KCNIP4: variants seen among roughly 807,000 people sequenced by gnomAD.
KCNIP4 encodes the protein Kv channel-interacting protein 4.
KCNIP4 carries 12 observed loss-of-function variants against 34.0 expected under a neutral mutation model. The observed-to-expected ratio is 0.35, with a 90% CI of 0.23 to 0.57. The LOEUF is 0.57. Ranked by LOEUF, KCNIP4 falls within the 20% of genes least tolerant of loss-of-function variation. KCNIP4 has a pLI of 0.83. For synonymous variants in KCNIP4, 124 were observed against 102.2 expected (o/e 1.21, Z -1.29); for missense variants, 238 against 311.7 (o/e 0.76, Z 1.78).
At chr4:20,841,928 C>T (rs568331071) in intron 3 of KCNIP4, among the ~76,000 whole-genome samples, 5 of 152,156 alleles carry the variant, frequency 3.3e-5, no homozygotes, top group African/African-American at 4.8e-5. Context: ...TTCCCATGGC[C>T]GTGCCCTTCT....
At chr4:21,317,869 C>T (rs1390837030) in intron 1 of KCNIP4, among the ~76,000 whole-genome samples, 1 of 152,216 alleles carries the variant, frequency 6.6e-6, no homozygotes, top group Non-Finnish European at 1.5e-5. Context: ...TAACTCTTGT[C>T]TGCTGCCATG....
chr4:21,921,626 G>A (rs1728944191), intron 1 of KCNIP4, among the ~76,000 whole-genome samples: 1 of 152,052 alleles, frequency 6.6e-6, no homozygotes, highest in African/African-American at 2.4e-5. Flanking sequence ...AGTAGCTCAA[G>A]CCAAATGCCT....
Position 21,439,161 on chromosome 4 carries a change from CA to C in KCNIP4, c.61+509409del, listed in dbSNP as rs76317670. Among the ~76,000 whole-genome samples, 832 of 93,228 alleles carry C rather than the reference CA, an allele frequency of 8.9e-3. 3 individuals are homozygous for C. The highest frequency in any genetic ancestry group is 0.029 in the African/African-American group (688 of 23,382). 61.2% of individuals were successfully genotyped at this position (93,228 alleles called of 152,430 possible). On this transcript the variant is annotated intron_variant, in intron 1 of 8. Transcript: ENST00000382152. Reference sequence around the variant, plus strand: ...TGGGCGACAGAGCAATAATCTGTCTCAAAAAAAAAAAAAAAAAAAGTAGAGA... The same window carrying C: ...TGGGCGACAGAGCAATAATCTGTCTCAAAAAAAAAAAAAAAAAAGTAGAGA...
At chr4:21,050,301 C>T (rs11938210) in intron 1 of KCNIP4, among the ~76,000 whole-genome samples, 3,360 of 152,116 alleles carry the variant, frequency 0.022, 133 homozygotes, top group African/African-American at 0.076. Flanking sequence ...CTAAATGCTG[C>T]AATAGGTGGT....
chr4:21,132,565 C>T (rs949283517), intron 1 of KCNIP4, among the ~76,000 whole-genome samples: 1 of 152,134 alleles, frequency 6.6e-6, no homozygotes, highest in Admixed American at 6.6e-5. Context: ...GGTTTTCCTG[C>T]TTCCAAGGAA....
chr4:20,962,592 G>T (rs1001778095), intron 1 of KCNIP4, among the ~76,000 whole-genome samples: 2 of 152,118 alleles, frequency 1.3e-5, no homozygotes, highest in African/African-American at 4.8e-5. Context: ...ATGGATGGAA[G>T]CATTAAAACC....
chr4:21,228,525 C>G (rs899853732), intron 1 of KCNIP4, among the ~76,000 whole-genome samples: 1 of 152,176 alleles, frequency 6.6e-6, no homozygotes, highest in African/African-American at 2.4e-5. Flanking sequence ...CCACTCAAGG[C>G]AGCACTTGAC....
chr4:20,951,390 T>C (rs1468845152), intron 1 of KCNIP4, among the ~76,000 whole-genome samples: 1 of 152,216 alleles, frequency 6.6e-6, no homozygotes, highest in Non-Finnish European at 1.5e-5. Context: ...TTGGTAGAAG[T>C]ATTAGATGAA....
In KCNIP4 at chr4:20,732,016, C is replaced by T; in HGVS notation, c.695G>A (p.Ser232Asn). 1 of 1,613,418 alleles carries T rather than the reference C, an allele frequency of 6.2e-7. No individual in the cohort carries two copies. Among genetic ancestry groups the T allele is most frequent in the Non-Finnish European group, 8.5e-7 (1 of 1,179,738 alleles). Reference protein sequence around the residue: ...GVVTIDEFIESCQKDENIMRS... With the variant: ...GVVTIDEFIENCQKDENIMRS... ...ACTTTCATTACTTACTTTTTGGCAG[C>T]TTTCAATGAACTCATCTATGGTAAC... The change falls in exon 8 of 9, where the codon AGC becomes AAC. Residue 232 changes from serine to asparagine, a missense_variant. Ser to Asn is a conservative substitution (Grantham distance 46). Transcript: ENST00000382152.
chr4:21,763,259 T>G (rs1418230509), intron 1 of KCNIP4, among the ~76,000 whole-genome samples: 2 of 152,132 alleles, frequency 1.3e-5, no homozygotes, highest in African/African-American at 4.8e-5. Context: ...TCTAACACAA[T>G]AGGCACATGC....
chr4:21,898,064 T>C (rs1028112076), intron 1 of KCNIP4, among the ~76,000 whole-genome samples: 4 of 152,134 alleles, frequency 2.6e-5, no homozygotes, highest in East Asian at 1.9e-4. Context: ...TCAGCCAGTG[T>C]GGATGGAGGG....
At chr4:21,372,057 C>T (rs1373406625) in intron 1 of KCNIP4, among the ~76,000 whole-genome samples, 1 of 147,060 alleles carries the variant, frequency 6.8e-6, no homozygotes, top group Non-Finnish European at 1.5e-5. Context: ...AAATTTGGTG[C>T]TTCAGAAGAA....
intron 1 of KCNIP4, among the ~76,000 whole-genome samples, chr4:21,552,702 C>A (rs990179975): frequency 6.6e-6 from 1 of 152,050 alleles, no homozygotes; most frequent in Non-Finnish European, 1.5e-5. Context: ...CACAGCAAAG[C>A]ATATTTTTTT....
chr4:20,802,938 G>T (rs34264081), intron 3 of KCNIP4, among the ~76,000 whole-genome samples: 1 of 151,638 alleles, frequency 6.6e-6, no homozygotes, highest in Non-Finnish European at 1.5e-5. Context: ...TGCCGGGCGT[G>T]GTGGCAGGCA....
intron 1 of KCNIP4, among the ~76,000 whole-genome samples, chr4:21,621,916 A>G (rs1265910116): frequency 6.6e-6 from 1 of 152,186 alleles, no homozygotes; most frequent in African/African-American, 2.4e-5. Context: ...TAAGCTCCCT[A>G]TAAGAACAGT....
chr4:21,321,492 A>T (rs1714409806), intron 1 of KCNIP4, among the ~76,000 whole-genome samples: 1 of 152,148 alleles, frequency 6.6e-6, no homozygotes, highest in Non-Finnish European at 1.5e-5. Flanking sequence ...CTAGTAAGAA[A>T]AACGGAATAA....
At chr4:21,291,833 G>C (rs1763484807) in intron 1 of KCNIP4, among the ~76,000 whole-genome samples, 1 of 134,412 alleles carries the variant, frequency 7.4e-6, no homozygotes, top group African/African-American at 2.9e-5. Context: ...CAGCCTGGGC[G>C]ACAGAGTTAG....
At chr4:20,739,084 G>C (rs1750425031) in intron 5 of KCNIP4, among the ~76,000 whole-genome samples, 1 of 152,188 alleles carries the variant, frequency 6.6e-6, no homozygotes, top group Non-Finnish European at 1.5e-5. Context: ...AAAGCAGCCA[G>C]GAAGCTCAAA....
At chr4:20,951,908 A>C (rs1362840817) in intron 1 of KCNIP4, among the ~76,000 whole-genome samples, 1 of 152,198 alleles carries the variant, frequency 6.6e-6, no homozygotes, top group Non-Finnish European at 1.5e-5. Flanking sequence ...TTCTTGTTTT[A>C]GATATAAAGT....
Sources: gnomAD v4.1 joint callset for allele counts (sites outside exome capture counted in the v4.1 genomes callset) on GRCh38, gnomAD v4.1.1 for gene constraint, MANE v1.5 for transcripts, NCBI Gene and HGNC (gene_info 2026-07-23, HGNC 2026-07-21) for gene names.